Variants in LRRC53 observed in about 807,000 individuals in gnomAD.
LRRC53 encodes leucine rich repeat containing 53.
Under a neutral mutation model 13.6 loss-of-function variants are expected in LRRC53, and 25 were observed. The ratio of observed to expected loss-of-function variants is 1.83; its 90% confidence interval spans 1.34 to 2.56. LRRC53 has a LOEUF of 2.56. LRRC53 is among the 30% of genes most tolerant of loss of function. The pLI, the probability that LRRC53 is intolerant of heterozygous loss-of-function variation, is 0.00. For synonymous variants in LRRC53, 204 were observed against 109.8 expected (o/e 1.86, Z -5.37); for missense variants, 527 against 275.8 (o/e 1.91, Z -6.45).
intron 1 of LRRC53, among the ~76,000 whole-genome samples, chr1:74,491,208 C>G (rs1220532723): frequency 1.3e-5 from 2 of 152,018 alleles, no homozygotes; most frequent in Non-Finnish European, 1.5e-5. Flanking sequence ...TAGGGTGAGT[C>G]CAACAGGTTT....
chr1:74,472,346 C>T (rs1245195357), intron 4 of LRRC53, 145 bp from the exon 5 acceptor site: 1 of 590,562 alleles, frequency 1.7e-6, no homozygotes, highest in African/African-American at 1.9e-5. Context: ...TGTAACCAAA[C>T]CTACAAAGGA....
the LRRC53 span, among the ~76,000 whole-genome samples, chr1:74,532,327 T>G: frequency 1.3e-5 from 2 of 152,194 alleles, no homozygotes; most frequent in African/African-American, 4.8e-5. Flanking sequence ...GGGATGTTTC[T>G]CTAAGAAGAA....
intron 1 of LRRC53, among the ~76,000 whole-genome samples, chr1:74,488,592 G>A (rs1668884162): frequency 6.6e-6 from 1 of 152,156 alleles, no homozygotes; most frequent in African/African-American, 2.4e-5. Flanking sequence ...CTGGAACAAA[G>A]CTTGAAATAT....
At chr1:74,489,353 C>T in intron 1 of LRRC53, 1 of 1,121,916 alleles carries the variant, frequency 8.9e-7, no homozygotes, top group Non-Finnish European at 1.3e-6. Context: ...ACTGTGAGGA[C>T]CCATAACTCC....
Position 74,475,361 on chromosome 1 carries a change from G to A in LRRC53, c.1354C>T (p.Leu452=). Residue 452 remains leucine, a synonymous_variant, in exon 4 of 5, where the codon CTA becomes TTA. Transcript: ENST00000294635. ...ACTTCTCCAGGCTCAAGATTCCATA[G>A]CTTTTGAACTTTCCTTGGATTATAT... is the stretch of plus-strand genomic sequence containing the variant. ...TTYNPRKVQK[L]WNLEPGEVQP... is the part of the protein sequence containing the mutation. The A allele has an allele frequency of 2.8e-6, 2 of 715,910 alleles. No homozygotes were observed. The highest frequency in any genetic ancestry group is 5.2e-6 in the Non-Finnish European group (2 of 384,450). The allele number at this position is 715,910 out of a possible 1,614,324, so 44.3% of individuals were successfully genotyped here.
At chr1:74,532,752 A>C in the LRRC53 span, among the ~76,000 whole-genome samples, 1 of 152,054 alleles carries the variant, frequency 6.6e-6, no homozygotes, top group Non-Finnish European at 1.5e-5. Context: ...GCCCTCAGAA[A>C]TAATGCTGCA....
intron 1 of LRRC53, among the ~76,000 whole-genome samples, chr1:74,502,571 T>C (rs79117659): frequency 6.6e-6 from 1 of 152,150 alleles, no homozygotes; most frequent in East Asian, 1.9e-4. Flanking sequence ...TTATGTCAAG[T>C]TTGGGCTTTG....
At chr1:74,483,088 A>C (rs1668584579) in intron 2 of LRRC53, among the ~76,000 whole-genome samples, 174 bp downstream of exon 2, 1 of 152,258 alleles carries the variant, frequency 6.6e-6, no homozygotes. Context: ...GATTGAGACC[A>C]TCAGGAACAG....
At chr1:74,515,654 G>A (rs898656127), upstream of LRRC53, among the ~76,000 whole-genome samples, 1 of 152,150 alleles carries the variant, frequency 6.6e-6, no homozygotes, top group Admixed American at 6.5e-5. Flanking sequence ...TCAAACTAAG[G>A]GGATCATGGT....
At chr1:74,493,345 TA>T (rs1669169624) in intron 1 of LRRC53, among the ~76,000 whole-genome samples, 1 of 152,180 alleles carries the variant, frequency 6.6e-6, no homozygotes, top group Non-Finnish European at 1.5e-5. Context: ...TTAAAATGGT[TA>T]TTTCTATGCT....
chr1:74,492,042 G>T, intron 1 of LRRC53: 1 of 1,386,142 alleles, frequency 7.2e-7, no homozygotes, highest in Non-Finnish European at 9.5e-7. Flanking sequence ...TTTATGTTAT[G>T]TCTTCACACC....
chr1:74,510,529 A>G (rs1487758293), intron 1 of LRRC53, among the ~76,000 whole-genome samples: 1 of 152,122 alleles, frequency 6.6e-6, no homozygotes, highest in Non-Finnish European at 1.5e-5. Context: ...AAATGAGAAA[A>G]AAATTATTGA....
chr1:74,480,866 A>G lies in LRRC53; in HGVS notation c.191T>C (p.Leu64Pro), dbSNP rs1668461770. 1 of 717,468 alleles carries G rather than the reference A, an allele frequency of 1.4e-6. No homozygotes were observed. Among genetic ancestry groups the G allele is most frequent in the Admixed American group, 2.0e-5 (1 of 50,012 alleles). The allele number at this position is 717,468 out of a possible 1,614,324, so 44.4% of individuals were successfully genotyped here. Reference protein sequence around the residue: ...SLLFNLALLSLSRNGIEDVQE... With the variant: ...SLLFNLALLSPSRNGIEDVQE... ...AACATCCTCGATACCATTTCTGCTT[A>G]GGGAGAGCAGGGCAAGATTAAACAA... The change falls in exon 3 of 5, where the codon CTA (leucine) becomes CCA (proline). Residue 64 changes from leucine (L) to proline (P), a missense_variant. Coordinates refer to ENST00000294635, the MANE Select transcript of LRRC53 (RefSeq NM_001382280.1).
chr1:74,484,364 G>A (rs1048524545), intron 1 of LRRC53, among the ~76,000 whole-genome samples: 4 of 152,204 alleles, frequency 2.6e-5, no homozygotes, highest in African/African-American at 9.6e-5. Context: ...TGCATGCTAG[G>A]CACTGCTCAC....
rs146837205 is a variant in LRRC53, at chr1:74,481,246, G to A, written c.89-278C>T. Among the ~76,000 whole-genome samples, 1,487 of 152,202 alleles carry A rather than the reference G, an allele frequency of 9.8e-3. 5 individuals carry two copies. Among genetic ancestry groups the A allele is most frequent in the Non-Finnish European group, 0.017 (1,134 of 68,002 alleles). The stretch of plus-strand genomic sequence containing the variant: ...CTTTAGATGTCAAAGTTAATTCATT[G>A]TTTCGGATTATCTTCATCGATGTTA... On this transcript the variant is annotated intron_variant, in intron 2 of 4. Transcript: ENST00000294635.
the LRRC53 span, among the ~76,000 whole-genome samples, chr1:74,529,337 AT>A: frequency 6.6e-6 from 1 of 152,198 alleles, no homozygotes; most frequent in African/African-American, 2.4e-5. Flanking sequence ...AAGATGCATA[AT>A]TTGAATCTAA....
At chr1:74,534,995 A>C in the LRRC53 span, among the ~76,000 whole-genome samples, 1 of 152,126 alleles carries the variant, frequency 6.6e-6, no homozygotes, top group Non-Finnish European at 1.5e-5. Context: ...ACTGAGTAGC[A>C]GTGGTAACGT....
chr1:74,520,208 A>G, the LRRC53 span, among the ~76,000 whole-genome samples: 1 of 151,922 alleles, frequency 6.6e-6, no homozygotes, highest in Non-Finnish European at 1.5e-5. Flanking sequence ...ATGCATGTGC[A>G]TCCTCATATA....
chr1:74,496,855 A>G (rs1232996691), intron 1 of LRRC53, among the ~76,000 whole-genome samples: 1 of 152,210 alleles, frequency 6.6e-6, no homozygotes, highest in Admixed American at 6.5e-5. Context: ...TACATGGATT[A>G]CATCATGTAA....
Sources: gnomAD v4.1 joint callset for allele counts (sites outside exome capture counted in the v4.1 genomes callset) on GRCh38, gnomAD v4.1.1 for gene constraint, MANE v1.5 for transcripts, NCBI Gene and HGNC (gene_info 2026-07-23, HGNC 2026-07-21) for gene names.